Variants in TWIST2 observed in about 807,000 individuals in gnomAD.
TWIST2 encodes the protein twist family bHLH transcription factor 2.
Under a neutral mutation model 11.6 loss-of-function variants are expected in TWIST2, and 1 was observed. That is an observed-to-expected ratio of 0.09 (90% CI 0.03 to 0.41). The LOEUF is 0.41. Among genes scored for constraint, TWIST2 ranks in the 10% least tolerant of loss-of-function variants. TWIST2 has a pLI of 0.98. For missense variants in TWIST2, 168 were observed against 226.4 expected, an observed-to-expected ratio of 0.74 and a Z score of 1.66; for synonymous variants, 87 against 96.6, an observed-to-expected ratio of 0.90 and a Z score of 0.58.
At chr2:238,895,595 C>G (rs1403425877) in intron 1 of TWIST2, among the ~76,000 whole-genome samples, 1 of 152,210 alleles carries the variant, frequency 6.6e-6, no homozygotes, top group Non-Finnish European at 1.5e-5. Context: ...GGCTGGCCAG[C>G]CCTCGCTGTC....
intron 1 of TWIST2, among the ~76,000 whole-genome samples, chr2:238,854,626 C>T (rs1020806374): frequency 1.1e-4 from 17 of 152,202 alleles, no homozygotes; most frequent in East Asian, 1.9e-4. Context: ...TTGAAACTTT[C>T]GTCGTTACTA....
intron 1 of TWIST2, among the ~76,000 whole-genome samples, chr2:238,870,136 C>CAT (rs1692624541): frequency 7.7e-6 from 1 of 130,224 alleles, no homozygotes. Flanking sequence ...ACACACACAC[C>CAT]ACACCCCATA....
At chr2:238,865,826 C>A (rs1485679326) in intron 1 of TWIST2, among the ~76,000 whole-genome samples, 1 of 152,150 alleles carries the variant, frequency 6.6e-6, no homozygotes, top group Non-Finnish European at 1.5e-5. Context: ...AGGTAGGAAG[C>A]AATCCCCACA....
At chr2:238,874,772 G>A (rs1692772991) in intron 1 of TWIST2, among the ~76,000 whole-genome samples, 1 of 152,126 alleles carries the variant, frequency 6.6e-6, no homozygotes, top group Non-Finnish European at 1.5e-5. Flanking sequence ...CCTGCCCTGG[G>A]CTCCCCACAG....
chr2:238,885,065 G>A (rs916673658), intron 1 of TWIST2, among the ~76,000 whole-genome samples: 4 of 152,182 alleles, frequency 2.6e-5, no homozygotes, highest in Non-Finnish European at 4.4e-5. Context: ...GGTCCGTTAG[G>A]AGCTTCTGCA....
At chr2:238,905,711 C>G (rs1693331079) in intron 1 of TWIST2, among the ~76,000 whole-genome samples, 1 of 152,192 alleles carries the variant, frequency 6.6e-6, no homozygotes, top group Non-Finnish European at 1.5e-5. Context: ...ATTTAGCTTT[C>G]TCTACCCACC....
chr2:238,871,670 A>ACC (rs377577114), intron 1 of TWIST2, among the ~76,000 whole-genome samples: 3 of 82,908 alleles, frequency 3.6e-5, no homozygotes, highest in African/African-American at 1.6e-4. Context: ...ACACACCATC[A>ACC]CCCCCCCCCA....
chr2:238,855,554 G>T (rs36169090), intron 1 of TWIST2, among the ~76,000 whole-genome samples: 42,148 of 152,050 alleles, frequency 0.28, 6,159 homozygotes, highest in South Asian at 0.43. Flanking sequence ...CGCATTCCTT[G>T]TTTTCTGTCT....
chr2:238,860,160 C>A (rs961708298), intron 1 of TWIST2, among the ~76,000 whole-genome samples: 2 of 152,182 alleles, frequency 1.3e-5, no homozygotes, highest in Non-Finnish European at 2.9e-5. Context: ...GGCTCAGAGG[C>A]CCTCAAGGGG....
At chr2:238,868,142 G>A (rs753478725) in intron 1 of TWIST2, among the ~76,000 whole-genome samples, 5 of 152,194 alleles carry the variant, frequency 3.3e-5, no homozygotes, top group East Asian at 1.9e-4. Flanking sequence ...CATCAGCCCC[G>A]TGCCCTGGGT....
chr2:238,903,498 GA>G (rs1693305085), intron 1 of TWIST2, among the ~76,000 whole-genome samples: 2 of 141,108 alleles, frequency 1.4e-5, no homozygotes, highest in Non-Finnish European at 3.1e-5. Flanking sequence ...AGGTGTGTGT[GA>G]TGTGTGTGTG....
chr2:238,850,957 T>C (rs924424588), intron 1 of TWIST2, among the ~76,000 whole-genome samples: 20 of 152,232 alleles, frequency 1.3e-4, no homozygotes, highest in Non-Finnish European at 8.8e-5. Flanking sequence ...GCAGACATCT[T>C]GTCATTCTTT....
At chr2:238,893,465 T>G (rs1330500838) in intron 1 of TWIST2, among the ~76,000 whole-genome samples, 1 of 152,148 alleles carries the variant, frequency 6.6e-6, no homozygotes, top group Non-Finnish European at 1.5e-5. Flanking sequence ...TGCCACACTT[T>G]CCAGGCCCCG....
chr2:238,853,459 G>GAGAGAC (rs1355018414), intron 1 of TWIST2, among the ~76,000 whole-genome samples: 1 of 151,100 alleles, frequency 6.6e-6, no homozygotes, highest in Non-Finnish European at 1.5e-5. Context: ...GAGAGAGAGA[G>GAGAGAC]AGAGAGAGAG....
intron 1 of TWIST2, among the ~76,000 whole-genome samples, chr2:238,888,115 C>A (rs886286328): frequency 1.3e-5 from 2 of 152,190 alleles, no homozygotes; most frequent in Non-Finnish European, 2.9e-5. Flanking sequence ...GTAACCATAG[C>A]TTCATTTGTT....
intron 1 of TWIST2, among the ~76,000 whole-genome samples, chr2:238,872,128 T>G (rs984695955): frequency 6.6e-6 from 1 of 152,158 alleles, no homozygotes; most frequent in Non-Finnish European, 1.5e-5. Context: ...ACTCCTGGGC[T>G]GGGGGGGTCC....
intron 1 of TWIST2, among the ~76,000 whole-genome samples, chr2:238,905,944 CGCGCGCGT>C (rs1693344219): frequency 7.0e-6 from 1 of 142,360 alleles, no homozygotes; most frequent in Non-Finnish European, 1.5e-5. Context: ...CGTGTGTGTG[CGCGCGCGT>C]GTGTACGTGT....
intron 1 of TWIST2, among the ~76,000 whole-genome samples, chr2:238,907,931 CACAA>C (rs1693382251): frequency 7.0e-6 from 1 of 143,674 alleles, no homozygotes. Flanking sequence ...CTACACCACA[CACAA>C]ACACACATCA....
chr2:238,861,096 G>A (rs1020525421), intron 1 of TWIST2, among the ~76,000 whole-genome samples: 2 of 152,186 alleles, frequency 1.3e-5, no homozygotes, highest in Non-Finnish European at 2.9e-5. Context: ...GGAGATGGGA[G>A]GACTGGCCGC....
Sources: allele counts gnomAD v4.1 joint callset (sites outside exome capture counted in the v4.1 genomes callset), GRCh38; gene constraint gnomAD v4.1.1; transcripts MANE v1.5; gene names NCBI Gene and HGNC (gene_info 2026-07-23, HGNC 2026-07-21).